SEMA3D: variants seen among roughly 807,000 people sequenced by gnomAD.
SEMA3D encodes semaphorin-3D.
Under a neutral mutation model 100.1 loss-of-function variants are expected in SEMA3D, and 84 were observed. That is an observed-to-expected ratio of 0.84 (90% CI 0.70 to 1.01). SEMA3D has a LOEUF of 1.01. SEMA3D is among the 50% of genes least tolerant of loss of function. SEMA3D has a pLI of 0.00. For synonymous variants in SEMA3D, 312 were observed against 320.7 expected (o/e 0.97, Z 0.29); for missense variants, 875 against 934.1 (o/e 0.94, Z 0.82).
At chr7:85,034,402 T>A (rs1790633139) in intron 12 of SEMA3D, among the ~76,000 whole-genome samples, 1 of 151,760 alleles carries the variant, frequency 6.6e-6, no homozygotes, top group Admixed American at 6.6e-5. Flanking sequence ...AGGTCAGGAG[T>A]TCGAGACCAG....
chr7:85,189,709 G>A (rs1048712764), upstream of SEMA3D, among the ~76,000 whole-genome samples: 2 of 152,138 alleles, frequency 1.3e-5, no homozygotes, highest in African/African-American at 2.4e-5. Flanking sequence ...CATGTTCTTG[G>A]AAACATTATT....
At chr7:85,193,173 C>G in the SEMA3D span, among the ~76,000 whole-genome samples, 1 of 152,078 alleles carries the variant, frequency 6.6e-6, no homozygotes, top group Non-Finnish European at 1.5e-5. Flanking sequence ...GAGAGACAGA[C>G]AGGGGGACAC....
At chr7:85,005,576 T>A (rs1413165031) in intron 18 of SEMA3D, among the ~76,000 whole-genome samples, 9 of 152,124 alleles carry the variant, frequency 5.9e-5, no homozygotes, top group African/African-American at 1.4e-4. Flanking sequence ...ATTCTTCATG[T>A]AACAGTAGAG....
At chr7:85,156,101 A>ATTTTTTTTTTTTTTTTTTTTTTTTTT (rs3078417) in intron 1 of SEMA3D, among the ~76,000 whole-genome samples, 1 of 142,296 alleles carries the variant, frequency 7.0e-6, no homozygotes, top group Non-Finnish European at 1.5e-5. Flanking sequence ...AATATAAGTG[A>ATTTTTTTTTTTTTTTTTTTTTTTTTT]TTTTTTTTTT....
At chr7:85,064,077 C>A (rs372823368) in intron 8 of SEMA3D, among the ~76,000 whole-genome samples, 2 of 152,190 alleles carry the variant, frequency 1.3e-5, no homozygotes, top group South Asian at 4.1e-4. Context: ...ATATTTCCTA[C>A]ATTTATTGTA....
intron 6 of SEMA3D, among the ~76,000 whole-genome samples, chr7:85,070,969 G>A (rs954009590): frequency 1.3e-5 from 2 of 152,042 alleles, no homozygotes; most frequent in African/African-American, 4.8e-5. Context: ...TAGAAAAGAC[G>A]GGGTTTCACC....
intron 18 of SEMA3D, among the ~76,000 whole-genome samples, chr7:85,004,869 T>C (rs1451518264): frequency 1.3e-5 from 2 of 152,152 alleles, no homozygotes; most frequent in Admixed American, 1.3e-4. Flanking sequence ...CAAAGATACT[T>C]CTTTTAAGTA....
chr7:85,171,526 T>C (rs1458247903), intron 1 of SEMA3D, among the ~76,000 whole-genome samples: 2 of 151,976 alleles, frequency 1.3e-5, no homozygotes, highest in Admixed American at 6.6e-5. Flanking sequence ...GCTATGGACC[T>C]GGAACAACCA....
At chr7:85,233,503 A>T in the SEMA3D span, among the ~76,000 whole-genome samples, 6 of 152,232 alleles carry the variant, frequency 3.9e-5, no homozygotes, top group Non-Finnish European at 8.8e-5. Flanking sequence ...CTCATGAGAA[A>T]GCACAGAGCA....
chr7:85,015,368 A>G (rs1488817517), intron 15 of SEMA3D, 152 bp from the exon 16 acceptor site: 1 of 593,988 alleles, frequency 1.7e-6, no homozygotes, highest in African/African-American at 1.9e-5. Context: ...ATGAGGAGTA[A>G]AATAAGTCAA....
At chr7:85,064,477 G>A (rs574262771) in intron 8 of SEMA3D, among the ~76,000 whole-genome samples, 25 of 152,208 alleles carry the variant, frequency 1.6e-4, no homozygotes, top group African/African-American at 5.8e-4. Context: ...AAATAGATCT[G>A]GAGTTTTTGA....
chr7:85,096,668 C>G (rs1191221259), intron 4 of SEMA3D, among the ~76,000 whole-genome samples: 1 of 151,804 alleles, frequency 6.6e-6, no homozygotes, highest in African/African-American at 2.4e-5. Flanking sequence ...TGACTAAAAA[C>G]CAAATATCAT....
intron 2 of SEMA3D, among the ~76,000 whole-genome samples, chr7:85,138,676 A>G (rs960303670): frequency 4.1e-5 from 6 of 147,696 alleles, no homozygotes; most frequent in South Asian, 4.2e-4. Context: ...TAAATTAAAT[A>G]TATATAATTT....
the SEMA3D span, among the ~76,000 whole-genome samples, chr7:85,194,564 C>T: frequency 1.8e-4 from 28 of 151,990 alleles, no homozygotes; most frequent in African/African-American, 3.6e-4. Flanking sequence ...AGCCATTTAA[C>T]GTTTTAATCA....
intron 2 of SEMA3D, among the ~76,000 whole-genome samples, chr7:85,139,388 C>A (rs908519946): frequency 6.6e-6 from 1 of 151,966 alleles, no homozygotes; most frequent in Non-Finnish European, 1.5e-5. Context: ...GCAAAAATAT[C>A]GTTATTCAAA....
chr7:85,090,832 T>C (rs1007608946), intron 4 of SEMA3D, among the ~76,000 whole-genome samples: 1 of 152,104 alleles, frequency 6.6e-6, no homozygotes, highest in African/African-American at 2.4e-5. Context: ...AAAGCTCTTT[T>C]TATGTTAGAC....
chr7:85,042,788 A>G (rs567145042), intron 9 of SEMA3D, among the ~76,000 whole-genome samples: 108 of 152,242 alleles, frequency 7.1e-4, no homozygotes, highest in African/African-American at 2.5e-3. Context: ...ATCCTTCCAC[A>G]TTAGCCTCCT....
At chr7:85,249,081 A>T in the SEMA3D span, among the ~76,000 whole-genome samples, 1 of 152,196 alleles carries the variant, frequency 6.6e-6, no homozygotes, top group Non-Finnish European at 1.5e-5. Context: ...GTGTGGGAAC[A>T]GGCAGGGGCA....
intron 1 of SEMA3D, among the ~76,000 whole-genome samples, chr7:85,183,625 T>C (rs1479025820): frequency 6.6e-6 from 1 of 152,196 alleles, no homozygotes. Context: ...CTGCAAAATA[T>C]AAAGCAAATC....
Sources: gnomAD v4.1 joint callset for allele counts (sites outside exome capture counted in the v4.1 genomes callset) on GRCh38, gnomAD v4.1.1 for gene constraint, MANE v1.5 for transcripts, NCBI Gene and HGNC (gene_info 2026-07-23, HGNC 2026-07-21) for gene names.